The following EHBP1 variants were observed in gnomAD, a reference collection of about 807,000 sequenced individuals.
The protein encoded by EHBP1 is EH domain binding protein 1, also known as EH domain-binding protein 1.
In EHBP1, 55 loss-of-function variants were observed where a neutral mutation model predicts 144.0. That is an observed-to-expected ratio of 0.38 (90% CI 0.31 to 0.48). The LOEUF (loss-of-function observed/expected upper bound fraction) is 0.48. Among genes scored for constraint, EHBP1 ranks in the 20% least tolerant of loss-of-function variants. The probability of loss-of-function intolerance (pLI) is 0.98; values close to 1 mark genes in which losing one functional copy is unlikely to be tolerated. For missense variants in EHBP1, 1,200 were observed against 1,364.2 expected, an observed-to-expected ratio of 0.88 and a Z score of 1.90; for synonymous variants, 469 against 472.7, an observed-to-expected ratio of 0.99 and a Z score of 0.10.
intron 7 of EHBP1, chr2:62,858,437 C>G (rs761712872): frequency 1.2e-6 from 2 of 1,610,738 alleles, no homozygotes; most frequent in Non-Finnish European, 1.7e-6. Context: ...CTCTGAGCAG[C>G]TTAGATGAAG....
chr2:62,783,746 G>A (rs1197879222), intron 5 of EHBP1, among the ~76,000 whole-genome samples: 1 of 151,924 alleles, frequency 6.6e-6, no homozygotes, highest in Non-Finnish European at 1.5e-5. Flanking sequence ...AGGCCTCCTG[G>A]CCTGTGATGG....
At chr2:62,750,699 A>AAGCTATCC (rs1553393414) in intron 3 of EHBP1, among the ~76,000 whole-genome samples, 2 of 152,118 alleles carry the variant, frequency 1.3e-5, no homozygotes, top group Non-Finnish European at 2.9e-5. Flanking sequence ...AGTCCTTCAC[A>AAGCTATCC]TCCCTTGTAA....
chr2:62,702,824 T>A (rs574153646), upstream of EHBP1, among the ~76,000 whole-genome samples: 1 of 152,348 alleles, frequency 6.6e-6, no homozygotes, highest in African/African-American at 2.4e-5. Context: ...ATTTGACTGT[T>A]TACTATGTGC....
At position 62,786,805 on chromosome 2, in the gene EHBP1, C is replaced by T. The variant is rs187902520; in HGVS notation, c.312+15413C>T. Among the ~76,000 whole-genome samples, 313 of 152,286 alleles carry T rather than the reference C, an allele frequency of 2.1e-3. 3 individuals carry two copies. The highest frequency in any genetic ancestry group is 6.6e-3 in the African/African-American group (274 of 41,580). Reference sequence around the variant, plus strand: ...ACTGGTACAGGACAGTTGCAGGCAGCAGCAGTTTGGCCAGCTCTGCAGAGT... The same window carrying T: ...ACTGGTACAGGACAGTTGCAGGCAGTAGCAGTTTGGCCAGCTCTGCAGAGT... On this transcript the variant is annotated intron_variant, in intron 5 of 22. Coordinates refer to ENST00000431489, the MANE Select transcript of EHBP1 (RefSeq NM_001142616.3).
intron 7 of EHBP1, among the ~76,000 whole-genome samples, chr2:62,849,380 T>C (rs867604683): frequency 6.6e-6 from 1 of 152,204 alleles, no homozygotes; most frequent in African/African-American, 2.4e-5. Flanking sequence ...GTAAAGCCAT[T>C]TTGGACATCC....
chr2:62,725,087 G>T (rs955738060), intron 2 of EHBP1, among the ~76,000 whole-genome samples: 2 of 152,202 alleles, frequency 1.3e-5, no homozygotes, highest in Admixed American at 6.5e-5. Context: ...CCTGGACTGT[G>T]TGCTCTAACT....
intron 1 of EHBP1, among the ~76,000 whole-genome samples, chr2:62,684,287 T>C (rs1181001932): frequency 6.6e-6 from 1 of 150,768 alleles, no homozygotes; most frequent in Non-Finnish European, 1.5e-5. Flanking sequence ...CAAAGAGAGG[T>C]AGACTCCTTT....
At chr2:62,906,783 C>A (rs940421969) in intron 10 of EHBP1, among the ~76,000 whole-genome samples, 1 of 152,108 alleles carries the variant, frequency 6.6e-6, no homozygotes, top group Admixed American at 6.6e-5. Context: ...CATTTACAGC[C>A]AAAACCACTA....
At chr2:62,764,566 T>C (rs148739258) in intron 4 of EHBP1, among the ~76,000 whole-genome samples, 86 of 152,214 alleles carry the variant, frequency 5.6e-4, no homozygotes, top group African/African-American at 2.0e-3. Context: ...TTGAACTTAT[T>C]ACAATTCAGA....
chr2:62,825,611 GA>G lies in EHBP1; in HGVS notation c.313-464del, dbSNP rs1330960344. Among the ~76,000 whole-genome samples, 855 of 133,626 alleles carry G rather than the reference GA, an allele frequency of 6.4e-3. 9 individuals carry two copies. Among genetic ancestry groups the G allele is most frequent in the African/African-American group, 0.02 (724 of 36,518 alleles). 87.7% of individuals were successfully genotyped at this position (133,626 alleles called of 152,430 possible). On this transcript the variant is annotated intron_variant, in intron 5 of 22. Transcript: ENST00000431489. The stretch of plus-strand genomic sequence containing the variant: ...ACATAGAATTCAGATGTTGTAGACA[GA>G]AAAAAAAAAAAGAGGTAGAATGCCA...
intron 18 of EHBP1, among the ~76,000 whole-genome samples, chr2:62,995,165 C>A (rs2153224782): frequency 6.6e-6 from 1 of 152,128 alleles, no homozygotes; most frequent in East Asian, 1.9e-4. Context: ...TTTAAAGTTA[C>A]CATTAGCATT....
chr2:62,851,278 C>G (rs1573709584), intron 7 of EHBP1, among the ~76,000 whole-genome samples: 2 of 152,170 alleles, frequency 1.3e-5, no homozygotes, highest in Admixed American at 1.3e-4. Context: ...CATGATAGGA[C>G]AGCTGCCAGC....
chr2:63,016,965 A>G (rs1163849359), intron 19 of EHBP1, among the ~76,000 whole-genome samples: 1 of 152,130 alleles, frequency 6.6e-6, no homozygotes, highest in East Asian at 1.9e-4. Context: ...GCTGTTCTTC[A>G]ATATTTAATC....
intron 10 of EHBP1, among the ~76,000 whole-genome samples, chr2:62,910,894 C>T (rs1375830881): frequency 6.6e-6 from 1 of 152,132 alleles, no homozygotes; most frequent in Non-Finnish European, 1.5e-5. Flanking sequence ...GAATCTTAAT[C>T]CAGCTCTTCT....
chr2:62,806,614 C>T lies in EHBP1; in HGVS notation c.313-19473C>T, dbSNP rs575576654. Among the ~76,000 whole-genome samples the T allele has an allele frequency of 5.3e-5, 8 of 152,206 alleles. No homozygotes were observed. In the South Asian group the frequency reaches 6.2e-4, roughly 12 times the overall value. On this transcript the variant is annotated intron_variant, in intron 5 of 22. Transcript: ENST00000431489. ...CTGGGTTCAAGCAATCCTCTTGCCT[C>T]GGCTTCCCAAAGTGTGGGATTACAG...
chr2:62,882,325 A>G (rs773785684), intron 10 of EHBP1, among the ~76,000 whole-genome samples: 4 of 152,192 alleles, frequency 2.6e-5, no homozygotes, highest in African/African-American at 9.6e-5. Context: ...GAAAAATGCT[A>G]AATGGAAAGA....
At chr2:62,908,737 T>G (rs2152969144) in intron 10 of EHBP1, among the ~76,000 whole-genome samples, 1 of 152,348 alleles carries the variant, frequency 6.6e-6, no homozygotes. Flanking sequence ...CTTCTTGATT[T>G]CTAACTTAAT....
At chr2:62,687,803 C>A (rs920909230) in intron 1 of EHBP1, among the ~76,000 whole-genome samples, 1 of 152,070 alleles carries the variant, frequency 6.6e-6, no homozygotes, top group Non-Finnish European at 1.5e-5. Flanking sequence ...ATCAAGGAGA[C>A]AAGAGTTAGT....
intron 7 of EHBP1, among the ~76,000 whole-genome samples, chr2:62,843,270 A>G (rs1459232733): frequency 6.6e-6 from 1 of 152,204 alleles, no homozygotes. Flanking sequence ...GAATGAATGA[A>G]GCTTCATTCT....
Sources: gnomAD v4.1 joint callset for allele counts (sites outside exome capture counted in the v4.1 genomes callset) on GRCh38, gnomAD v4.1.1 for gene constraint, MANE v1.5 for transcripts, NCBI Gene and HGNC (gene_info 2026-07-23, HGNC 2026-07-21) for gene names.